BPIFC: variants seen among roughly 807,000 people sequenced by gnomAD.
The protein encoded by BPIFC is BPI fold-containing family C protein.
BPIFC carries 60 observed loss-of-function variants against 57.6 expected under a neutral mutation model. That is an observed-to-expected ratio of 1.04 (90% CI 0.85 to 1.29). BPIFC has a LOEUF of 1.29. Among genes scored for constraint, BPIFC ranks in the 50% most tolerant of loss-of-function variants. The probability of loss-of-function intolerance (pLI) is 0.00; values close to 1 mark genes in which losing one functional copy is unlikely to be tolerated. For missense variants in BPIFC, 581 were observed against 600.5 expected, an observed-to-expected ratio of 0.97 and a Z score of 0.34; for synonymous variants, 243 against 224.5, an observed-to-expected ratio of 1.08 and a Z score of -0.74.
At chr22:32,463,335 C>A (rs1449608748) in intron 1 of BPIFC, among the ~76,000 whole-genome samples, 1 of 152,194 alleles carries the variant, frequency 6.6e-6, no homozygotes, top group Non-Finnish European at 1.5e-5. Context: ...CACTTAAAAA[C>A]CCCACCAGCA....
At chr22:32,448,358 C>A (rs186982124) in intron 4 of BPIFC, among the ~76,000 whole-genome samples, 3 of 152,204 alleles carry the variant, frequency 2.0e-5, no homozygotes, top group Non-Finnish European at 4.4e-5. Context: ...TAGGCGTGAG[C>A]CACTGTGTCC....
intron 4 of BPIFC, among the ~76,000 whole-genome samples, chr22:32,451,849 C>T (rs1426868945): frequency 3.3e-5 from 5 of 152,036 alleles, no homozygotes; most frequent in African/African-American, 1.2e-4. Flanking sequence ...TATTTAATGT[C>T]CATCTCTCCC....
intron 13 of BPIFC, among the ~76,000 whole-genome samples, chr22:32,425,166 A>G (rs1402076520): frequency 2.6e-5 from 4 of 152,010 alleles, no homozygotes; most frequent in Non-Finnish European, 5.9e-5. Flanking sequence ...TTGAAAGCGG[A>G]CTCACCCAGG....
At chr22:32,453,774 G>C (rs1371852264) in intron 3 of BPIFC, among the ~76,000 whole-genome samples, 2 of 152,122 alleles carry the variant, frequency 1.3e-5, no homozygotes, top group African/African-American at 4.8e-5. Flanking sequence ...AGAACAGTGT[G>C]AGAAGAAAAG....
chr22:32,437,435 G>A (rs1162679548), intron 9 of BPIFC, among the ~76,000 whole-genome samples: 1 of 152,152 alleles, frequency 6.6e-6, no homozygotes, highest in Non-Finnish European at 1.5e-5. Context: ...CTGTCACCCA[G>A]GCTGGAATGC....
rs757054117 is a variant in BPIFC, at chr22:32,457,273, T to C, written c.114A>G (p.Ala38=). The C allele has an allele frequency of 1.1e-5, 17 of 1,600,112 alleles. No individual in the cohort carries two copies. In the African/African-American group the frequency reaches 1.9e-4, roughly 18 times the overall value. The change falls in exon 3 of 17, where the codon GCA becomes GCG. Residue 38 remains alanine (A), a synonymous_variant. Coordinates refer to ENST00000300399, the MANE Select transcript of BPIFC (RefSeq NM_174932.3). Reference sequence around the variant, plus strand: ...AAACATCCAACTCACCATAGTCAAGTGCCCTCTGAGTAATCCTTGCCTTGA... The same window carrying C: ...AAACATCCAACTCACCATAGTCAAGCGCCCTCTGAGTAATCCTTGCCTTGA... ...PGIKARITQR[A]LDYGVQAGMK...
intron 8 of BPIFC, among the ~76,000 whole-genome samples, chr22:32,438,192 GGAATGT>G (rs143113648): frequency 3.3e-5 from 5 of 152,090 alleles, no homozygotes; most frequent in South Asian, 4.2e-4. Flanking sequence ...TGTAATAAAA[GGAATGT>G]GAATGTGAAT....
In BPIFC at chr22:32,428,294, T is replaced by C. The variant is rs576006113; in HGVS notation, c.1217+3053A>G. 3.9e-4 allele frequency among the ~76,000 whole-genome samples: 58 copies of C among 150,310 alleles called. 1 individual carries two copies. Among genetic ancestry groups the C allele is most frequent in the African/African-American group, 1.4e-3 (56 of 40,766 alleles). On this transcript the variant is annotated intron_variant, in intron 13 of 16. Coordinates refer to ENST00000300399, the MANE Select transcript of BPIFC (RefSeq NM_174932.3). ...GCGCGCGCGTGTGTGTGTGTGTGTG[T>C]GCTTTTGGACAGGGTCTTGCTCTGT... is the stretch of plus-strand genomic sequence containing the variant.
At chr22:32,458,140 G>A (rs1046880633) in intron 2 of BPIFC, among the ~76,000 whole-genome samples, 1 of 152,074 alleles carries the variant, frequency 6.6e-6, no homozygotes, top group South Asian at 2.1e-4. Flanking sequence ...TCAGCTACAA[G>A]GTGTAGAGGG....
At chr22:32,446,485 G>A (rs539133713) in intron 5 of BPIFC, among the ~76,000 whole-genome samples, 1 of 152,336 alleles carries the variant, frequency 6.6e-6, no homozygotes, top group African/African-American at 2.4e-5. Context: ...TATGGTTGAT[G>A]AGTCATTGAA....
Position 32,432,690 on chromosome 22 carries a change from A to G in BPIFC, c.979-147T>C, listed in dbSNP as rs546938433. ...CTCTTTAATAATCATAATTACACAC[A>G]AAAATCAAACGATGATAACAGTTGG... is the stretch of plus-strand genomic sequence containing the variant. On this transcript the variant is annotated intron_variant, in intron 11 of 16. Transcript: ENST00000300399. 9 of 765,974 alleles carry G rather than the reference A, an allele frequency of 1.2e-5. No individual in the cohort carries two copies. The South Asian group carries it at 1.7e-4, about 14-fold the overall frequency. The allele number at this position is 765,974 out of a possible 1,614,324, so 47.4% of individuals were successfully genotyped here. A position where few individuals can be genotyped will look rare whatever the true frequency, so the allele number is the denominator to read the frequency against.
chr22:32,436,388 GGAGGAA>G (rs1569451502), intron 9 of BPIFC, among the ~76,000 whole-genome samples: 17 of 115,604 alleles, frequency 1.5e-4, no homozygotes, highest in African/African-American at 4.4e-4. Context: ...AAGAGGAGGA[GGAGGAA>G]GAGGAGGAGG....
chr22:32,436,342 AG>A (rs768505669), intron 9 of BPIFC, among the ~76,000 whole-genome samples: 16,499 of 113,092 alleles, frequency 0.15, 1,107 homozygotes, highest in Non-Finnish European at 0.21. Context: ...AAGAAAGAAG[AG>A]GAAGAGGAGG....
chr22:32,441,842 G>C (rs1436671905), intron 8 of BPIFC, among the ~76,000 whole-genome samples: 3 of 152,186 alleles, frequency 2.0e-5, no homozygotes, highest in African/African-American at 7.2e-5. Flanking sequence ...CTGGGGTTGG[G>C]GGGGATGGTT....
intron 7 of BPIFC, among the ~76,000 whole-genome samples, chr22:32,443,277 C>T (rs1158924794): frequency 6.6e-6 from 1 of 152,012 alleles, no homozygotes; most frequent in African/African-American, 2.4e-5. Context: ...CATTCTCCTG[C>T]CTCAGCCTCC....
intron 4 of BPIFC, among the ~76,000 whole-genome samples, chr22:32,449,977 A>T (rs1353437589): frequency 6.6e-6 from 1 of 151,178 alleles, no homozygotes; most frequent in South Asian, 2.1e-4. Flanking sequence ...CTTCTGATCC[A>T]CCCACCTTGG....
chr22:32,445,480 T>A, intron 7 of BPIFC, among the ~76,000 whole-genome samples, 155 bp downstream of exon 7: 1 of 152,010 alleles, frequency 6.6e-6, no homozygotes, highest in South Asian at 2.1e-4. Context: ...GAGCTTGCAG[T>A]GAGCGGAGAT....
chr22:32,433,701 C>G lies in BPIFC; in HGVS notation c.978+18G>C. Reference sequence around the variant, plus strand: ...TGGAGCCAAATACACTATCAAGACTCAAACCCTGAGCACTTACCCGGGAGA... The same window carrying G: ...TGGAGCCAAATACACTATCAAGACTGAAACCCTGAGCACTTACCCGGGAGA... On this transcript the variant is annotated intron_variant, in intron 11 of 16. Transcript: ENST00000300399. 1 of 1,612,658 alleles carries G rather than the reference C, an allele frequency of 6.2e-7. No individual in the cohort carries two copies. The highest frequency in any genetic ancestry group is 1.7e-4 in the Middle Eastern group (1 of 6,060).
At chr22:32,424,637 TTCTTC>T (rs1356717266) in intron 13 of BPIFC, among the ~76,000 whole-genome samples, 4 of 55,728 alleles carry the variant, frequency 7.2e-5, no homozygotes, top group South Asian at 5.8e-4. Context: ...CCTCTTCTTC[TTCTTC>T]TCTTCTTCTT....
Sources: gnomAD v4.1 joint callset for allele counts (sites outside exome capture counted in the v4.1 genomes callset) on GRCh38, gnomAD v4.1.1 for gene constraint, MANE v1.5 for transcripts, NCBI Gene and HGNC (gene_info 2026-07-23, HGNC 2026-07-21) for gene names.